Variants in CES5A observed in about 807,000 individuals in gnomAD.
CES5A encodes the protein carboxylesterase 5.
Under a neutral mutation model 62.9 loss-of-function variants are expected in CES5A, and 67 were observed. The observed-to-expected ratio is 1.07, with a 90% CI of 0.88 to 1.31. CES5A has a LOEUF of 1.31. Among genes scored for constraint, CES5A ranks in the 50% most tolerant of loss-of-function variants. The pLI, the probability that CES5A is intolerant of heterozygous loss-of-function variation, is 0.00. For missense variants in CES5A, 748 were observed against 708.5 expected (o/e 1.06, Z -0.63); for synonymous variants, 296 against 280.8 (o/e 1.05, Z -0.54).
At chr16:55,944,945 A>C (rs1240843941) in intron 2 of CES5A, among the ~76,000 whole-genome samples, 1 of 152,136 alleles carries the variant, frequency 6.6e-6, no homozygotes, top group Middle Eastern at 3.2e-3. Flanking sequence ...AAGAAGGGGG[A>C]CTACAAACTA....
rs867646548 is a variant in CES5A, at chr16:55,849,623, C to A, written c.1423+1G>T. 1 of 1,613,844 alleles carries A rather than the reference C, an allele frequency of 6.2e-7. No individual in the cohort carries two copies. Among genetic ancestry groups the A allele is most frequent in the Admixed American group, 1.7e-5 (1 of 60,026 alleles). ...ACTGTGGGAAGTGGCCAGTCCCTTACCGAACATAACAATGTCCCCCTTCAG... is the reference window on the plus strand; with the variant it reads ...ACTGTGGGAAGTGGCCAGTCCCTTAACGAACATAACAATGTCCCCCTTCAG... On this transcript the variant is annotated splice_donor_variant, in intron 11 of 12. Transcript: ENST00000290567. LOFTEE classifies it high-confidence loss of function.
At chr16:55,923,127 T>C (rs1380252939) in intron 1 of CES5A, among the ~76,000 whole-genome samples, 3 of 150,468 alleles carry the variant, frequency 2.0e-5, no homozygotes, top group African/African-American at 7.4e-5. Flanking sequence ...TTCAAGCAAT[T>C]AGAAAAGCAA....
In CES5A at chr16:55,900,176, C is replaced by T. The variant is rs1357540328; in HGVS notation, c.-256+25147G>A. On this transcript the variant is annotated intron_variant, in intron 1 of 12. Coordinates refer to the CES5A transcript ENST00000518005. ...TCATTTCTCCAACCACGGGAAATGG[C>T]TTCTTTCTCACTTACTGCTGTCATG... Among the ~76,000 whole-genome samples the T allele has an allele frequency of 4.6e-5, 7 of 152,296 alleles. No individual in the cohort carries two copies. In the East Asian group the frequency reaches 1.4e-3, roughly 29 times the overall value.
intron 1 of CES5A, among the ~76,000 whole-genome samples, chr16:55,908,120 T>A (rs1322037339): frequency 6.6e-6 from 1 of 152,146 alleles, no homozygotes. Flanking sequence ...CCTGTCTGAT[T>A]CTTTATCAAT....
intron 1 of CES5A, among the ~76,000 whole-genome samples, chr16:55,906,577 A>T (rs1325724215): frequency 2.0e-5 from 3 of 152,234 alleles, no homozygotes; most frequent in African/African-American, 7.2e-5. Flanking sequence ...AAAAATAGAA[A>T]AAGGGTGGTT....
chr16:55,914,952 C>T (rs1479723962), intron 1 of CES5A, among the ~76,000 whole-genome samples: 2 of 151,812 alleles, frequency 1.3e-5, no homozygotes, highest in African/African-American at 4.8e-5. Context: ...GAACTCTGTG[C>T]TATTATCACT....
intron 1 of CES5A, among the ~76,000 whole-genome samples, chr16:55,883,147 G>A (rs1597133566): frequency 6.6e-6 from 1 of 152,344 alleles, no homozygotes; most frequent in Non-Finnish European, 1.5e-5. Context: ...TTACCGCTTG[G>A]TTGAGTGTGT....
intron 10 of CES5A, 62 bp downstream of exon 10, chr16:55,852,819 G>A (rs1412706411): frequency 1.3e-6 from 2 of 1,557,126 alleles, no homozygotes; most frequent in Non-Finnish European, 1.7e-6. Context: ...AGACAATATG[G>A]ATTTCCGTGG....
At chr16:55,856,565 AG>A in intron 8 of CES5A, 120 bp from the exon 9 acceptor site, 1 of 809,184 alleles carries the variant, frequency 1.2e-6, no homozygotes, top group South Asian at 1.5e-5. Context: ...CTCAAGCCCA[AG>A]CAGCCACATG....
At chr16:55,908,658 C>T (rs2034063672) in intron 1 of CES5A, among the ~76,000 whole-genome samples, 1 of 152,218 alleles carries the variant, frequency 6.6e-6, no homozygotes, top group African/African-American at 2.4e-5. Flanking sequence ...CCACGCCTGG[C>T]CCCCATAGTT....
At chr16:55,881,040 G>A (rs1450628412) in intron 1 of CES5A, among the ~76,000 whole-genome samples, 37 of 152,150 alleles carry the variant, frequency 2.4e-4, no homozygotes, top group Non-Finnish European at 5.9e-5. Flanking sequence ...CCTGAGACGT[G>A]GAATTGGGAC....
At position 55,849,736 on chromosome 16, in the gene CES5A, G is replaced by GTGCC; in HGVS notation, c.1307_1310dup (p.His437GlnfsTer8). ...TCGTGTCTTCAAAGCACTGAGGCCG[G>GTGCC]TGCCGAAACTCATAGAAGTAGACAG... is the stretch of plus-strand genomic sequence containing the variant. On this transcript the variant is annotated frameshift_variant, in exon 11 of 13. Coordinates refer to ENST00000290567, the MANE Select transcript of CES5A (RefSeq NM_001143685.2). LOFTEE classifies it high-confidence loss of function. 6.2e-7 allele frequency: 1 copy of GTGCC among 1,614,004 alleles called. No individual in the cohort carries two copies. The highest frequency in any genetic ancestry group is 1.1e-5 in the South Asian group (1 of 91,084).
intron 1 of CES5A, among the ~76,000 whole-genome samples, chr16:55,894,498 C>CAAAAAAAAAAAAAAAAAAAGAAAAAAAA (rs370359945): frequency 9.7e-6 from 1 of 103,000 alleles, no homozygotes; most frequent in Non-Finnish European, 1.8e-5. Context: ...AACTCTGTCT[C>CAAAAAAAAAAAAAAAAAAAGAAAAAAAA]AAAAAAAAAA....
At chr16:55,955,057 G>C (rs1486226219) in intron 1 of CES5A, among the ~76,000 whole-genome samples, 1 of 152,136 alleles carries the variant, frequency 6.6e-6, no homozygotes, top group African/African-American at 2.4e-5. Flanking sequence ...TCTAATACCA[G>C]TTAGACATCC....
intron 1 of CES5A, among the ~76,000 whole-genome samples, chr16:55,909,891 C>T (rs1423428660): frequency 6.6e-6 from 1 of 152,206 alleles, no homozygotes; most frequent in African/African-American, 2.4e-5. Flanking sequence ...GCCCCCAGCC[C>T]TGCCTTCCAA....
intron 2 of CES5A, among the ~76,000 whole-genome samples, chr16:55,946,366 AT>A (rs1471875009): frequency 6.6e-6 from 1 of 152,160 alleles, no homozygotes; most frequent in East Asian, 1.9e-4. Context: ...TGAAAAAAAA[AT>A]GGGAAAGAAG....
At chr16:55,907,485 C>G (rs2034050400) in intron 1 of CES5A, among the ~76,000 whole-genome samples, 1 of 152,186 alleles carries the variant, frequency 6.6e-6, no homozygotes. Context: ...TCGGTGCCTC[C>G]AAGCTCCCAG....
At chr16:55,952,194 G>A (rs1489911831) in intron 1 of CES5A, among the ~76,000 whole-genome samples, 2 of 151,986 alleles carry the variant, frequency 1.3e-5, no homozygotes, top group Non-Finnish European at 2.9e-5. Context: ...TAACTCTTAG[G>A]TTAGCAAAGA....
At chr16:55,882,615 T>C (rs1460186787) in intron 1 of CES5A, among the ~76,000 whole-genome samples, 2 of 152,262 alleles carry the variant, frequency 1.3e-5, no homozygotes, top group Non-Finnish European at 2.9e-5. Flanking sequence ...TCATGTGATC[T>C]GGAATTTGGG....
Sources: gnomAD v4.1 joint callset for allele counts (sites outside exome capture counted in the v4.1 genomes callset) on GRCh38, gnomAD v4.1.1 for gene constraint, MANE v1.5 for transcripts, NCBI Gene and HGNC (gene_info 2026-07-23, HGNC 2026-07-21) for gene names.